PRKG1: variants seen among roughly 807,000 people sequenced by gnomAD.
The protein encoded by PRKG1 is protein kinase cGMP-dependent 1.
In PRKG1, 35 loss-of-function variants were observed where a neutral mutation model predicts 88.1. The ratio of observed to expected loss-of-function variants is 0.40; its 90% CI spans 0.30 to 0.53. The LOEUF is 0.53. Among genes scored for constraint, PRKG1 ranks in the 20% least tolerant of loss-of-function variants. PRKG1 has a pLI of 0.59. For synonymous variants in PRKG1, 303 were observed against 292.5 expected, an observed-to-expected ratio of 1.04 and a Z score of -0.37; for missense variants, 540 against 839.8, an observed-to-expected ratio of 0.64 and a Z score of 4.41.
Position 52,298,071 on chromosome 10 carries a change from T to G in PRKG1, c.*4171T>G, listed in dbSNP as rs76022725. On this transcript the variant is annotated 3_prime_UTR_variant, in exon 18 of 18. Transcript: ENST00000373980. ...CATCTATCAAATTTATTTCAATGTA[T>G]GATGTTTTTACAACTGGTCAGTTCT... The G allele has an allele frequency of 4.5e-4, 68 of 152,268 alleles. No individual in the cohort carries two copies. Among genetic ancestry groups the G allele is most frequent in the African/African-American group, 1.6e-3 (65 of 41,564 alleles). 9.4% of individuals were successfully genotyped at this position (152,268 alleles called of 1,614,324 possible).
At chr10:52,284,944 G>T (rs377080857) in intron 14 of PRKG1, among the ~76,000 whole-genome samples, 91 of 152,166 alleles carry the variant, frequency 6.0e-4, no homozygotes, top group African/African-American at 2.1e-3. Context: ...TAAATTGAGG[G>T]CAAAGGAAAT....
At chr10:51,315,170 A>G (rs1841287440) in intron 2 of PRKG1, among the ~76,000 whole-genome samples, 1 of 152,180 alleles carries the variant, frequency 6.6e-6, no homozygotes, top group Non-Finnish European at 1.5e-5. Flanking sequence ...AATCAAAAAA[A>G]CTGATTGATT....
At chr10:51,348,344 T>G (rs1842162363) in intron 2 of PRKG1, among the ~76,000 whole-genome samples, 1 of 152,146 alleles carries the variant, frequency 6.6e-6, no homozygotes, top group African/African-American at 2.4e-5. Context: ...CAGTGGAATC[T>G]TGAGATGCAC....
At chr10:51,311,170 A>C (rs182836889) in intron 2 of PRKG1, among the ~76,000 whole-genome samples, 1 of 152,186 alleles carries the variant, frequency 6.6e-6, no homozygotes, top group Admixed American at 6.5e-5. Flanking sequence ...ATACTTGAAC[A>C]CTAAAAAGAT....
At chr10:50,995,913 G>T (rs995622189) in intron 1 of PRKG1, among the ~76,000 whole-genome samples, 1 of 152,176 alleles carries the variant, frequency 6.6e-6, no homozygotes, top group Non-Finnish European at 1.5e-5. Context: ...GATGCCTTGG[G>T]ATGGATGCCC....
At chr10:52,154,095 A>C (rs1280418614) in intron 8 of PRKG1, among the ~76,000 whole-genome samples, 1 of 152,076 alleles carries the variant, frequency 6.6e-6, no homozygotes, top group Non-Finnish European at 1.5e-5. Context: ...TATTTTAGTT[A>C]ATCCTTCATT....
chr10:51,244,662 G>GA (rs546365727), intron 2 of PRKG1, among the ~76,000 whole-genome samples: 11 of 151,644 alleles, frequency 7.3e-5, no homozygotes, highest in East Asian at 5.8e-4. Context: ...CAAATTACTG[G>GA]AAAAAAAGAC....
At chr10:51,447,134 G>T (rs1013568939) in intron 2 of PRKG1, among the ~76,000 whole-genome samples, 1 of 152,120 alleles carries the variant, frequency 6.6e-6, no homozygotes, top group Middle Eastern at 3.4e-3. Flanking sequence ...TAACCTTTCT[G>T]CAAAGTCTGT....
chr10:51,179,529 C>T (rs1403670128), intron 2 of PRKG1, among the ~76,000 whole-genome samples: 1 of 152,136 alleles, frequency 6.6e-6, no homozygotes, highest in South Asian at 2.1e-4. Flanking sequence ...AGTTGGAAAG[C>T]GTTAGTAGCC....
rs181754179 is a variant in PRKG1, at chr10:51,628,884, G to A, written c.592+161048G>A. 2.1e-3 allele frequency among the ~76,000 whole-genome samples: 311 copies of A among 151,214 alleles called. 2 individuals are homozygous for A. Among genetic ancestry groups the A allele is most frequent in the African/African-American group, 7.1e-3 (293 of 41,034 alleles). On this transcript the variant is annotated intron_variant, in intron 3 of 17. Coordinates refer to ENST00000373980, the MANE Select transcript of PRKG1 (RefSeq NM_006258.4). ...TGAGGCAGGAGAATGGCGTGAACCC[G>A]GGAAGCGGAGCTTGCAGTGAGCCGA...
chr10:51,383,296 A>T (rs756475087), intron 2 of PRKG1, among the ~76,000 whole-genome samples: 3 of 152,124 alleles, frequency 2.0e-5, no homozygotes, highest in African/African-American at 7.2e-5. Context: ...TCAGGCAAGT[A>T]GAATGAGGAG....
chr10:51,318,459 A>AT (rs1385997863), intron 2 of PRKG1, among the ~76,000 whole-genome samples: 2 of 152,182 alleles, frequency 1.3e-5, no homozygotes, highest in Non-Finnish European at 2.9e-5. Context: ...TATATGACAC[A>AT]TTTTTCAATA....
chr10:52,034,779 GT>G (rs1046797478), intron 5 of PRKG1, among the ~76,000 whole-genome samples: 39 of 152,098 alleles, frequency 2.6e-4, no homozygotes, highest in Non-Finnish European at 5.4e-4. Context: ...GGGATGACAA[GT>G]TTTTTGCGGC....
chr10:52,291,750 T>G (rs1842252612), intron 17 of PRKG1, among the ~76,000 whole-genome samples: 1 of 150,232 alleles, frequency 6.7e-6, no homozygotes, highest in Admixed American at 6.6e-5. Context: ...TGATTTATAG[T>G]CATTTGGGTA....
intron 1 of PRKG1, among the ~76,000 whole-genome samples, chr10:51,030,640 G>A (rs187363833): frequency 1.3e-5 from 2 of 152,248 alleles, no homozygotes; most frequent in Admixed American, 6.5e-5. Context: ...AGGTGTTTGG[G>A]TCATGGGAGG....
chr10:51,807,039 T>A (rs1264946417), intron 4 of PRKG1, among the ~76,000 whole-genome samples: 1 of 152,196 alleles, frequency 6.6e-6, no homozygotes, highest in Non-Finnish European at 1.5e-5. Flanking sequence ...TGTTTTATTG[T>A]CTGCTTTGGT....
intron 3 of PRKG1, among the ~76,000 whole-genome samples, chr10:51,753,659 G>A (rs535478636): frequency 6.6e-6 from 1 of 152,196 alleles, no homozygotes. Flanking sequence ...TTTAATAAAT[G>A]TTTGCTGATA....
intron 2 of PRKG1, among the ~76,000 whole-genome samples, chr10:51,392,497 A>G (rs181685327): frequency 2.4e-4 from 37 of 152,272 alleles, no homozygotes; most frequent in Admixed American, 1.2e-3. Context: ...TTTTCTTAGT[A>G]CAGAACAAAA....
intron 1 of PRKG1, among the ~76,000 whole-genome samples, chr10:51,144,031 A>T (rs4382848): frequency 0.35 from 52,548 of 151,864 alleles, 10,307 homozygotes; most frequent in East Asian, 0.55. Flanking sequence ...GTTTTATCCA[A>T]AAAATCCTTG....
Sources: allele counts gnomAD v4.1 joint callset (sites outside exome capture counted in the v4.1 genomes callset), GRCh38; gene constraint gnomAD v4.1.1; transcripts MANE v1.5; gene names NCBI Gene and HGNC (gene_info 2026-07-23, HGNC 2026-07-21).